Variants in CDH13 observed in about 807,000 individuals in gnomAD.
CDH13 encodes cadherin-13.
CDH13 carries 24 observed loss-of-function variants against 63.8 expected under a neutral mutation model. The ratio of observed to expected loss-of-function variants is 0.38; its 90% confidence interval spans 0.27 to 0.53. The LOEUF is 0.53. Ranked by LOEUF, CDH13 falls within the 20% of genes least tolerant of loss-of-function variation. CDH13 has a pLI of 0.85. For missense variants in CDH13, 1,049 were observed against 903.1 expected (o/e 1.16, Z -2.07); for synonymous variants, 503 against 355.3 (o/e 1.42, Z -4.67).
chr16:83,455,654 C>A (rs1426169919), intron 6 of CDH13, among the ~76,000 whole-genome samples: 1 of 152,162 alleles, frequency 6.6e-6, no homozygotes, highest in Non-Finnish European at 1.5e-5. Context: ...TCTCTAAGAA[C>A]CTTGAGCTTT....
At chr16:82,884,271 G>C in intron 2 of CDH13, 1 of 452,370 alleles carries the variant, frequency 2.2e-6, no homozygotes, top group Non-Finnish European at 4.4e-6. Flanking sequence ...GCAGGTATAA[G>C]ATGGGTTTGT....
intron 2 of CDH13, among the ~76,000 whole-genome samples, chr16:83,023,318 G>A (rs562397023): frequency 1.4e-5 from 2 of 145,376 alleles, no homozygotes; most frequent in South Asian, 2.4e-4. Flanking sequence ...ACTCCACCCC[G>A]CCCTCCCAGG....
rs535827056 is a variant in CDH13 at position 82,745,881 on chromosome 16, T to C, written c.46-112481T>C. On this transcript the variant is annotated intron_variant, in intron 1 of 13. Transcript: ENST00000567109. Reference sequence around the variant, plus strand: ...CCTCTGTTATTTTACTTCCAGAAAATAATTTTTTAGAACTAAGATTACCAA... The same window carrying C: ...CCTCTGTTATTTTACTTCCAGAAAACAATTTTTTAGAACTAAGATTACCAA... Among the ~76,000 whole-genome samples, 3 of 152,242 alleles carry C rather than the reference T, an allele frequency of 2.0e-5. No individual in the cohort carries two copies. The South Asian group carries it at 6.2e-4, about 32-fold the overall frequency.
At chr16:83,567,785 T>A (rs1294386388) in intron 7 of CDH13, among the ~76,000 whole-genome samples, 1 of 151,362 alleles carries the variant, frequency 6.6e-6, no homozygotes, top group African/African-American at 2.4e-5. Flanking sequence ...TTAGTAGAGA[T>A]GGGGTTTCAC....
intron 3 of CDH13, among the ~76,000 whole-genome samples, chr16:83,036,300 C>G (rs953556305): frequency 3.3e-5 from 5 of 152,010 alleles, no homozygotes; most frequent in East Asian, 1.9e-4. Flanking sequence ...CAGGCACCCA[C>G]CACCACACCT....
At chr16:83,140,282 T>C (rs915095613) in intron 4 of CDH13, among the ~76,000 whole-genome samples, 1 of 152,150 alleles carries the variant, frequency 6.6e-6, no homozygotes, top group Non-Finnish European at 1.5e-5. Context: ...CATCTTGTGC[T>C]CATGCATTTT....
At chr16:82,973,538 T>A (rs903583315) in intron 2 of CDH13, among the ~76,000 whole-genome samples, 11 of 152,062 alleles carry the variant, frequency 7.2e-5, no homozygotes, top group Admixed American at 2.6e-4. Context: ...CAAGGTGTAG[T>A]CCCTACTTTC....
rs1351263500 is a variant in CDH13, at chr16:83,780,052, T to C, written c.1766T>C (p.Val589Ala). The C allele has an allele frequency of 6.2e-7, 1 of 1,613,988 alleles. No homozygotes were observed. The highest frequency in any genetic ancestry group is 1.1e-5 in the South Asian group (1 of 91,078). The change falls in exon 12 of 14, where the codon GTA becomes GCA. Residue 589 changes from valine to alanine, a missense_variant. By Grantham distance (64) the Val-to-Ala change is moderately conservative. Coordinates refer to ENST00000567109, the MANE Select transcript of CDH13 (RefSeq NM_001257.5). ...AATGCCCCGTTCATTTACCCCACAG[T>C]AGCTGAAGTCTGTGATGATGCCAAA... ...NDNAPFIYPT[V>A]AEVCDDAKNL...
At chr16:82,997,147 T>C (rs576257473) in intron 2 of CDH13, among the ~76,000 whole-genome samples, 3,400 of 151,832 alleles carry the variant, frequency 0.022, 118 homozygotes, top group African/African-American at 0.075. Context: ...GTGATGATGG[T>C]GATGATGGTG....
intron 8 of CDH13, among the ~76,000 whole-genome samples, chr16:83,663,930 C>CCA (rs1913686863): frequency 6.7e-6 from 1 of 149,982 alleles, no homozygotes. Flanking sequence ...GAGGCCAAGG[C>CCA]AGGAAGATCA....
At chr16:83,344,274 T>A (rs972004751) in intron 5 of CDH13, among the ~76,000 whole-genome samples, 1 of 152,214 alleles carries the variant, frequency 6.6e-6, no homozygotes, top group Non-Finnish European at 1.5e-5. Context: ...CTGAAAGTAG[T>A]TCCCTATGGA....
intron 2 of CDH13, among the ~76,000 whole-genome samples, chr16:82,894,555 T>A (rs2041186990): frequency 6.6e-6 from 1 of 152,126 alleles, no homozygotes; most frequent in Non-Finnish European, 1.5e-5. Flanking sequence ...GGCAAGAGAA[T>A]CGCTTGAACC....
intron 8 of CDH13, among the ~76,000 whole-genome samples, chr16:83,624,637 T>C (rs1910118354): frequency 6.6e-6 from 1 of 152,148 alleles, no homozygotes. Context: ...CACCTCCTGC[T>C]GTGCTGCCTG....
intron 1 of CDH13, among the ~76,000 whole-genome samples, chr16:82,640,180 C>G (rs1909217799): frequency 6.6e-6 from 1 of 152,204 alleles, no homozygotes; most frequent in African/African-American, 2.4e-5. Flanking sequence ...CAGTGTTGTT[C>G]TGAGCTTGTC....
chr16:83,287,944 A>T (rs146440013), intron 5 of CDH13, among the ~76,000 whole-genome samples: 1 of 152,288 alleles, frequency 6.6e-6, no homozygotes, highest in African/African-American at 2.4e-5. Flanking sequence ...CAATGCAGAA[A>T]ATCCATAATG....
At chr16:82,979,756 A>G (rs1294588989) in intron 2 of CDH13, among the ~76,000 whole-genome samples, 1 of 152,186 alleles carries the variant, frequency 6.6e-6, no homozygotes, top group African/African-American at 2.4e-5. Context: ...AACAAGGAGT[A>G]TGTGGTGAGC....
chr16:82,700,974 C>CCG lies in CDH13; in HGVS notation c.45+73837_45+73838insCG, dbSNP rs1491560033. Among the ~76,000 whole-genome samples the CCG allele has an allele frequency of 1.4e-3, 56 of 39,638 alleles. 2 individuals are homozygous for CCG. The highest frequency in any genetic ancestry group is 3.8e-3 in the South Asian group (2 of 532). The allele number at this position is 39,638 out of a possible 152,430, so 26.0% of individuals were successfully genotyped here. ...GAACCCGCCCCCCCCCCCCCCCCCC[C>CCG]GCCCCGGGCATCTCCAAACTGCTGT... On this transcript the variant is annotated intron_variant, in intron 1 of 13. Coordinates refer to ENST00000567109, the MANE Select transcript of CDH13 (RefSeq NM_001257.5).
intron 2 of CDH13, among the ~76,000 whole-genome samples, chr16:82,870,807 A>T (rs1012525240): frequency 3.3e-5 from 5 of 152,240 alleles, no homozygotes; most frequent in Non-Finnish European, 7.3e-5. Context: ...TTAAAATATT[A>T]ATCTATGTAA....
chr16:82,981,141 T>A (rs12931405), intron 2 of CDH13, among the ~76,000 whole-genome samples: 21,509 of 152,196 alleles, frequency 0.14, 1,839 homozygotes, highest in East Asian at 0.28. Context: ...GAGCTGTTTA[T>A]GAACTTTCAC....
Sources: gnomAD v4.1 joint callset for allele counts (sites outside exome capture counted in the v4.1 genomes callset) on GRCh38, gnomAD v4.1.1 for gene constraint, MANE v1.5 for transcripts, NCBI Gene and HGNC (gene_info 2026-07-23, HGNC 2026-07-21) for gene names.